The following NPAS2 variants were observed in gnomAD, a reference collection of about 807,000 sequenced individuals.
The protein encoded by NPAS2 is neuronal PAS domain protein 2.
A neutral mutation model predicts 107.5 loss-of-function variants in NPAS2; 23 were observed. The observed-to-expected ratio is 0.21, with a 90% confidence interval of 0.15 to 0.30. The LOEUF is 0.30. Ranked by LOEUF, NPAS2 falls within the 10% of genes least tolerant of loss-of-function variation. The pLI is 1.00. For synonymous variants in NPAS2, 403 were observed against 417.5 expected (o/e 0.97, Z 0.42); for missense variants, 756 against 1,043.3 (o/e 0.72, Z 3.79).
At chr2:100,969,030 T>C (rs2105183064) in intron 11 of NPAS2, among the ~76,000 whole-genome samples, 1 of 152,200 alleles carries the variant, frequency 6.6e-6, no homozygotes, top group African/African-American at 2.4e-5. Flanking sequence ...GCTGCCTTTG[T>C]GGGGTCACTG....
At chr2:100,967,233 T>C (rs1676267971) in intron 10 of NPAS2, among the ~76,000 whole-genome samples, 1 of 146,360 alleles carries the variant, frequency 6.8e-6, no homozygotes, top group Non-Finnish European at 1.5e-5. Flanking sequence ...TCCAAGTCAG[T>C]GTCCTTTTTT....
chr2:100,928,333 G>A (rs1395059382), intron 3 of NPAS2, among the ~76,000 whole-genome samples: 1 of 151,954 alleles, frequency 6.6e-6, no homozygotes, highest in Non-Finnish European at 1.5e-5. Flanking sequence ...TGAAATAGCA[G>A]GTTGGTTTGA....
chr2:100,894,915 T>A (rs1681303836), intron 1 of NPAS2, among the ~76,000 whole-genome samples: 1 of 152,240 alleles, frequency 6.6e-6, no homozygotes, highest in Non-Finnish European at 1.5e-5. Flanking sequence ...ATGTACTTGG[T>A]TATGTCCTTG....
At chr2:100,873,287 TATATATATATATATATATATACACAC>T (rs1454322942) in intron 1 of NPAS2, among the ~76,000 whole-genome samples, 4 of 37,900 alleles carry the variant, frequency 1.1e-4, no homozygotes, top group Non-Finnish European at 1.3e-4. Flanking sequence ...TATATATATA[TATATATATATATATATATATACACAC>T]ACACACACAC....
chr2:100,875,743 G>C (rs1243994854), intron 1 of NPAS2, among the ~76,000 whole-genome samples: 1 of 152,236 alleles, frequency 6.6e-6, no homozygotes, highest in Non-Finnish European at 1.5e-5. Flanking sequence ...CCGAGGCCCA[G>C]ATTAAGCAGC....
At chr2:100,944,826 T>C (rs1378797985) in intron 5 of NPAS2, among the ~76,000 whole-genome samples, 2 of 152,128 alleles carry the variant, frequency 1.3e-5, no homozygotes, top group Non-Finnish European at 2.9e-5. Context: ...TGTCCTGATA[T>C]TGGCCCTCGG....
At chr2:100,894,872 C>T (rs889887373) in intron 1 of NPAS2, among the ~76,000 whole-genome samples, 6 of 152,124 alleles carry the variant, frequency 3.9e-5, no homozygotes, top group South Asian at 2.1e-4. Flanking sequence ...CTCTTATGGC[C>T]GCAGAGTCCT....
At position 100,968,552 on chromosome 2, in the gene NPAS2, T is replaced by C; in HGVS notation, c.1055+124T>C. The C allele has an allele frequency of 1.1e-6, 1 of 919,918 alleles. No individual in the cohort carries two copies. Among genetic ancestry groups the C allele is most frequent in the Non-Finnish European group, 1.6e-6 (1 of 616,468 alleles). The allele number at this position is 919,918 out of a possible 1,614,324, so 57.0% of individuals were successfully genotyped here. A position where few individuals can be genotyped will look rare whatever the true frequency, so the allele number is the denominator to read the frequency against. Reference sequence around the variant, plus strand: ...ACTCAGGTGTTCCCCATTTCGAAGATGAAGCCCAGGCCATCCCCTGCCGTT... The same window carrying C: ...ACTCAGGTGTTCCCCATTTCGAAGACGAAGCCCAGGCCATCCCCTGCCGTT... On this transcript the variant is annotated intron_variant, in intron 11 of 20. Transcript: ENST00000335681. This position sits in a 1 kb window ranked among gnomAD's most constrained non-coding sequence, Gnocchi z 5.3.
intron 15 of NPAS2, among the ~76,000 whole-genome samples, chr2:100,978,145 T>A (rs1005251831): frequency 2.0e-5 from 3 of 152,186 alleles, no homozygotes; most frequent in Non-Finnish European, 2.9e-5. Flanking sequence ...TAGTCCTTTA[T>A]GCCTCACATC....
intron 5 of NPAS2, among the ~76,000 whole-genome samples, chr2:100,945,591 T>C (rs572300321): frequency 1.3e-4 from 20 of 152,350 alleles, no homozygotes; most frequent in Admixed American, 7.2e-4. Context: ...GGTCGAGCCC[T>C]GACTCCTCCG....
At chr2:100,846,263 A>C (rs1363191013) in intron 1 of NPAS2, among the ~76,000 whole-genome samples, 1 of 152,270 alleles carries the variant, frequency 6.6e-6, no homozygotes, top group Admixed American at 6.5e-5. Context: ...TTATTTTGCT[A>C]GAAGATATGA....
intron 5 of NPAS2, among the ~76,000 whole-genome samples, chr2:100,944,148 T>G (rs1330448976): frequency 6.6e-6 from 1 of 152,192 alleles, no homozygotes; most frequent in African/African-American, 2.4e-5. Context: ...TCCAACTTCC[T>G]GGACCTTTAG....
At chr2:100,911,218 G>T (rs1466407060) in intron 2 of NPAS2, among the ~76,000 whole-genome samples, 1 of 152,086 alleles carries the variant, frequency 6.6e-6, no homozygotes, top group African/African-American at 2.4e-5. Context: ...TAAAAACATA[G>T]TGGCAAGAAA....
At chr2:100,857,213 A>G (rs1678630652) in intron 1 of NPAS2, among the ~76,000 whole-genome samples, 1 of 150,634 alleles carries the variant, frequency 6.6e-6, no homozygotes. Flanking sequence ...CAGGAGAATC[A>G]CTTGAATCCA....
intron 5 of NPAS2, among the ~76,000 whole-genome samples, chr2:100,940,502 G>A (rs1054948588): frequency 6.6e-6 from 1 of 152,098 alleles, no homozygotes; most frequent in African/African-American, 2.4e-5. Context: ...TTAAACCTTG[G>A]GTGACTAACA....
At chr2:100,888,019 C>T (rs1680823034) in intron 1 of NPAS2, among the ~76,000 whole-genome samples, 1 of 152,206 alleles carries the variant, frequency 6.6e-6, no homozygotes, top group Non-Finnish European at 1.5e-5. Context: ...GTGGTTGAAT[C>T]TGTTTGCCCT....
chr2:100,879,179 AC>A (rs2104620939), intron 1 of NPAS2, among the ~76,000 whole-genome samples: 1 of 152,220 alleles, frequency 6.6e-6, no homozygotes, highest in South Asian at 2.1e-4. Context: ...TCTCCAGGGC[AC>A]ATGTTGCTAA....
intron 2 of NPAS2, among the ~76,000 whole-genome samples, chr2:100,914,674 C>A (rs972020013): frequency 6.6e-6 from 1 of 152,186 alleles, no homozygotes; most frequent in Non-Finnish European, 1.5e-5. Flanking sequence ...TGCCACCAGG[C>A]TTTTATATTC....
chr2:100,897,455 C>T (rs370239926), intron 1 of NPAS2, among the ~76,000 whole-genome samples: 48 of 152,216 alleles, frequency 3.2e-4, no homozygotes, highest in African/African-American at 9.1e-4. Flanking sequence ...AGTGCCTTCC[C>T]GTCTCACATA....
Sources: allele counts gnomAD v4.1 joint callset (sites outside exome capture counted in the v4.1 genomes callset), GRCh38; gene constraint gnomAD v4.1.1; non-coding constraint Gnocchi (gnomAD v3.1); transcripts MANE v1.5; gene names NCBI Gene and HGNC (gene_info 2026-07-23, HGNC 2026-07-21).